Variants in SIPA1L1 observed in about 807,000 individuals in gnomAD.
SIPA1L1 encodes the protein signal induced proliferation associated 1 like 1.
A neutral mutation model predicts 162.7 loss-of-function variants in SIPA1L1; 26 were observed. The ratio of observed to expected loss-of-function variants is 0.16; its 90% CI spans 0.12 to 0.22. The LOEUF is 0.22. Among genes scored for constraint, SIPA1L1 ranks in the 10% least tolerant of loss-of-function variants. The pLI is 1.00. For missense variants in SIPA1L1, 1,874 were observed against 2,241.0 expected, an observed-to-expected ratio of 0.84 and a Z score of 3.31; for synonymous variants, 829 against 837.4, an observed-to-expected ratio of 0.99 and a Z score of 0.17.
At chr14:71,716,440 A>T (rs1384285502) in intron 17 of SIPA1L1, among the ~76,000 whole-genome samples, 2 of 152,186 alleles carry the variant, frequency 1.3e-5, no homozygotes, top group African/African-American at 4.8e-5. Context: ...TACCATCTTT[A>T]GCAGGCCAAG....
chr14:71,363,218 C>T lies in SIPA1L1; in HGVS notation c.-465+42037C>T, dbSNP rs1255194993. Among the ~76,000 whole-genome samples the T allele has an allele frequency of 2.6e-5, 4 of 152,162 alleles. No homozygotes were observed. In the South Asian group the frequency reaches 6.2e-4, roughly 24 times the overall value. Reference sequence around the variant, plus strand: ...ACATGGATGGTTTTAAGAATAATTTCTCTACCTCTCTGTGGCATACCAAAG... The same window carrying T: ...ACATGGATGGTTTTAAGAATAATTTTTCTACCTCTCTGTGGCATACCAAAG... On this transcript the variant is annotated intron_variant, in intron 2 of 23. Coordinates refer to ENST00000381232, the MANE Select transcript of SIPA1L1 (RefSeq NM_001386936.1).
At chr14:71,603,333 C>A (rs899040783) in intron 5 of SIPA1L1, among the ~76,000 whole-genome samples, 10 of 151,958 alleles carry the variant, frequency 6.6e-5, no homozygotes, top group African/African-American at 2.4e-4. Context: ...AAAATGTAAT[C>A]TATTTACATT....
intron 2 of SIPA1L1, among the ~76,000 whole-genome samples, chr14:71,397,818 T>C (rs1201438024): frequency 1.3e-5 from 2 of 152,110 alleles, no homozygotes; most frequent in Non-Finnish European, 2.9e-5. Flanking sequence ...AGCCTTTTAA[T>C]CATAAAAGCC....
At chr14:71,337,330 A>G (rs891885897) in intron 2 of SIPA1L1, among the ~76,000 whole-genome samples, 3 of 152,134 alleles carry the variant, frequency 2.0e-5, no homozygotes, top group African/African-American at 7.2e-5. Context: ...CACACTTGTA[A>G]TCTCAGCACT....
At chr14:71,701,685 G>A (rs577219015) in intron 14 of SIPA1L1, among the ~76,000 whole-genome samples, 16 of 152,066 alleles carry the variant, frequency 1.1e-4, no homozygotes, top group Non-Finnish European at 2.2e-4. Context: ...CTTTAATTAA[G>A]CATGTATTAT....
chr14:71,519,314 C>T (rs1482971284), intron 3 of SIPA1L1, among the ~76,000 whole-genome samples: 1 of 151,772 alleles, frequency 6.6e-6, no homozygotes, highest in African/African-American at 2.4e-5. Context: ...AAAACAAAAA[C>T]CCTCCTAATA....
intron 5 of SIPA1L1, among the ~76,000 whole-genome samples, chr14:71,608,054 C>T (rs148355840): frequency 1.4e-3 from 209 of 152,264 alleles, no homozygotes; most frequent in Non-Finnish European, 2.5e-3. Flanking sequence ...TGCATCAATT[C>T]CTTTTCCAGT....
chr14:71,374,806 C>A (rs1017343632), intron 2 of SIPA1L1, among the ~76,000 whole-genome samples: 1 of 150,312 alleles, frequency 6.7e-6, no homozygotes, highest in African/African-American at 2.5e-5. Context: ...ATTTTGACTT[C>A]TTCCTATACA....
intron 2 of SIPA1L1, among the ~76,000 whole-genome samples, chr14:71,467,943 C>T (rs2047138126): frequency 6.7e-6 from 1 of 148,792 alleles, no homozygotes; most frequent in Non-Finnish European, 1.5e-5. Flanking sequence ...ATGCTTAAAA[C>T]AATGCCTGGC....
intron 5 of SIPA1L1, among the ~76,000 whole-genome samples, chr14:71,606,009 A>G (rs111407362): frequency 4.6e-5 from 7 of 152,228 alleles, no homozygotes; most frequent in African/African-American, 9.6e-5. Flanking sequence ...GGCCATGGCT[A>G]TGGTGGGCCG....
chr14:71,372,189 T>C (rs1452473137), intron 2 of SIPA1L1, among the ~76,000 whole-genome samples: 1 of 152,170 alleles, frequency 6.6e-6, no homozygotes, highest in African/African-American at 2.4e-5. Context: ...CTCACCTTCC[T>C]GTGTAGACTT....
At chr14:71,649,109 TGTG>T (rs1453423040) in intron 7 of SIPA1L1, among the ~76,000 whole-genome samples, 1 of 152,140 alleles carries the variant, frequency 6.6e-6, no homozygotes. Context: ...ACCTTACTGA[TGTG>T]GTGGTTGTAA....
chr14:71,361,916 A>T (rs912186988), intron 2 of SIPA1L1, among the ~76,000 whole-genome samples: 3 of 152,196 alleles, frequency 2.0e-5, no homozygotes, highest in Non-Finnish European at 4.4e-5. Flanking sequence ...CTGAAGGCAT[A>T]CTGTTGCGTG....
At chr14:71,699,245 A>G (rs2081902751) in intron 14 of SIPA1L1, 118 bp downstream of exon 14, 2 of 1,009,754 alleles carry the variant, frequency 2.0e-6, no homozygotes, top group African/African-American at 3.2e-5. Flanking sequence ...TAGACAAACA[A>G]AAGAGAAAAC....
chr14:71,381,566 GC>G (rs1164586236), intron 2 of SIPA1L1, among the ~76,000 whole-genome samples: 1 of 152,228 alleles, frequency 6.6e-6, no homozygotes, highest in Non-Finnish European at 1.5e-5. Flanking sequence ...AGTATAGACA[GC>G]TTTAGCACTT....
In SIPA1L1 at chr14:71,739,316, C is replaced by A; in HGVS notation, c.*155C>A. 6.2e-6 allele frequency: 3 copies of A among 486,590 alleles called. No individual in the cohort carries two copies. Among genetic ancestry groups the A allele is most frequent in the Non-Finnish European group, 1.0e-5 (3 of 299,032 alleles). 30.1% of individuals were successfully genotyped at this position (486,590 alleles called of 1,614,324 possible). A position where few individuals can be genotyped will look rare whatever the true frequency, so the allele number is the denominator to read the frequency against. ...AGTGCACAACACAATAGTTGCAGAT[C>A]AACAATCATCACCTGCCTTTTGTAG... On this transcript the variant is annotated 3_prime_UTR_variant, in exon 24 of 24. Coordinates refer to ENST00000381232, the MANE Select transcript of SIPA1L1 (RefSeq NM_001386936.1).
At chr14:71,426,480 TTC>T (rs1023887490) in intron 2 of SIPA1L1, among the ~76,000 whole-genome samples, 5 of 140,270 alleles carry the variant, frequency 3.6e-5, no homozygotes, top group Admixed American at 7.9e-5. Flanking sequence ...TAATTTGAAT[TTC>T]TTTCTTTTTT....
chr14:71,408,975 A>T (rs924860997), intron 2 of SIPA1L1, among the ~76,000 whole-genome samples: 2 of 152,054 alleles, frequency 1.3e-5, no homozygotes, highest in African/African-American at 4.8e-5. Flanking sequence ...TGAGGCTCAG[A>T]TCTTGTATGT....
intron 4 of SIPA1L1, among the ~76,000 whole-genome samples, chr14:71,557,383 A>G (rs1006404669): frequency 6.6e-6 from 1 of 152,206 alleles, no homozygotes; most frequent in Non-Finnish European, 1.5e-5. Context: ...ATTAATTTCA[A>G]ACTAAGTCCT....
Sources: gnomAD v4.1 joint callset for allele counts (sites outside exome capture counted in the v4.1 genomes callset) on GRCh38, gnomAD v4.1.1 for gene constraint, MANE v1.5 for transcripts, NCBI Gene and HGNC (gene_info 2026-07-23, HGNC 2026-07-21) for gene names.